Variants in FOXP4 observed in about 807,000 individuals in gnomAD.
FOXP4 encodes forkhead box P4.
FOXP4 carries 25 observed loss-of-function variants against 82.6 expected under a neutral mutation model. That is an observed-to-expected ratio of 0.30 (90% CI 0.22 to 0.42). The LOEUF is 0.42. Ranked by LOEUF, FOXP4 falls within the 10% of genes least tolerant of loss-of-function variation. The pLI is 1.00. For synonymous variants in FOXP4, 415 were observed against 388.2 expected, an observed-to-expected ratio of 1.07 and a Z score of -0.81; for missense variants, 785 against 900.9, an observed-to-expected ratio of 0.87 and a Z score of 1.65.
rs781238692 is a variant in FOXP4, at chr6:41,597,966, G to A, written c.1895+16G>A. Reference sequence around the variant, plus strand: ...CCCAGTACAGGTGAGCACACAGCACGGACCCCCACCCACCCCAGCACCCCT... The same window carrying A: ...CCCAGTACAGGTGAGCACACAGCACAGACCCCCACCCACCCCAGCACCCCT... On this transcript the variant is annotated intron_variant, in intron 16 of 16. Transcript: ENST00000307972. 18 of 1,480,438 alleles carry A rather than the reference G, an allele frequency of 1.2e-5. No homozygotes were observed. The highest frequency in any genetic ancestry group is 6.7e-5 in the South Asian group (5 of 75,156). The allele number at this position is 1,480,438 out of a possible 1,614,324, so 91.7% of individuals were successfully genotyped here.
At chr6:41,597,755 CGAG>C (rs1341909368) in intron 15 of FOXP4, 23 bp from the exon 16 acceptor site, 2 of 1,599,716 alleles carry the variant, frequency 1.3e-6, no homozygotes, top group Non-Finnish European at 1.7e-6. Flanking sequence ...GAGCCACTGA[CGAG>C]GCCCAACCCT....
intron 1 of FOXP4, among the ~76,000 whole-genome samples, chr6:41,561,904 TC>T (rs947081257): frequency 8.5e-5 from 13 of 152,296 alleles, no homozygotes; most frequent in African/African-American, 3.1e-4. Context: ...CCCTGCCTGC[TC>T]CCCTAGCCAG....
intron 2 of FOXP4, among the ~76,000 whole-genome samples, chr6:41,569,792 CCCACTGCAGTTG>C (rs1159271533): frequency 6.6e-6 from 1 of 152,112 alleles, no homozygotes; most frequent in Non-Finnish European, 1.5e-5. Context: ...TCTGGGAACT[CCCACTGCAGTTG>C]CCGTGGCAAC....
intron 13 of FOXP4, among the ~76,000 whole-genome samples, chr6:41,592,710 T>A (rs1465288469): frequency 6.6e-6 from 1 of 152,198 alleles, no homozygotes; most frequent in East Asian, 1.9e-4. Flanking sequence ...CCTTCCTTCC[T>A]TCCTTCTGTC....
intron 4 of FOXP4, among the ~76,000 whole-genome samples, chr6:41,585,181 C>T (rs749536661): frequency 2.0e-5 from 3 of 152,136 alleles, no homozygotes; most frequent in African/African-American, 7.2e-5. Flanking sequence ...CACGTTGTCC[C>T]CTGTGACCTG....
chr6:41,561,333 C>G (rs1227271111), intron 1 of FOXP4, among the ~76,000 whole-genome samples: 1 of 152,152 alleles, frequency 6.6e-6, no homozygotes, highest in East Asian at 1.9e-4. Flanking sequence ...CCCATTTGCC[C>G]CCAACATGTG....
In FOXP4 at chr6:41,587,471, G is replaced by A; in HGVS notation, c.831G>A (p.Leu277=). Residue 277 remains leucine (L), a synonymous_variant, in exon 7 of 17, where the codon CTG becomes CTA. Transcript: ENST00000307972. ...KVSPPLSHHT[L]PNGQPTVLTS... The stretch of plus-strand genomic sequence containing the variant: ...CACCCCCCCTCTCCCACCATACCCT[G>A]CCCAACGGACAGCCTACTGTGCTCA... 1 of 1,542,270 alleles carries A rather than the reference G, an allele frequency of 6.5e-7. No homozygotes were observed. Among genetic ancestry groups the A allele is most frequent in the Non-Finnish European group, 8.7e-7 (1 of 1,144,654 alleles).
chr6:41,585,781 A>AC (rs1452247357), intron 5 of FOXP4, among the ~76,000 whole-genome samples: 1 of 150,900 alleles, frequency 6.6e-6, no homozygotes, highest in Non-Finnish European at 1.5e-5. Context: ...TGTACGTGTC[A>AC]CCCCCGTGTG....
At chr6:41,551,044 C>G (rs1251222454) in intron 1 of FOXP4, among the ~76,000 whole-genome samples, 1 of 152,216 alleles carries the variant, frequency 6.6e-6, no homozygotes, top group Non-Finnish European at 1.5e-5. Flanking sequence ...CCAGGATTCT[C>G]TGTGGAAATA....
At chr6:41,575,439 G>A (rs1007759113) in intron 2 of FOXP4, among the ~76,000 whole-genome samples, 2 of 152,056 alleles carry the variant, frequency 1.3e-5, no homozygotes, top group African/African-American at 4.8e-5. Context: ...GTATGAGAAG[G>A]AATGGTGGGA....
chr6:41,600,508 C>T lies in FOXP4; in HGVS notation c.*1572C>T, dbSNP rs773568752. 9.2e-4 allele frequency: 140 copies of T among 152,588 alleles called. No individual in the cohort carries two copies. The highest frequency in any genetic ancestry group is 2.5e-3 in the South Asian group (12 of 4,812). The allele number at this position is 152,588 out of a possible 1,614,324, so 9.5% of individuals were successfully genotyped here. ...ATATTTCCCAAGAACCCCCCACATA[C>T]ACCCCTCACAAGCCACCCCTCCTGA... On this transcript the variant is annotated 3_prime_UTR_variant, in exon 17 of 17. Transcript: ENST00000307972.
rs144782444 is a variant in FOXP4, at chr6:41,598,858, C to T, written c.1965C>T (p.Gly655=). Residue 655 remains glycine (G), a synonymous_variant, in exon 17 of 17, where the codon GGC becomes GGT. Transcript: ENST00000307972. ...EEDRQPGPPL[G]APNPSASGPP... is the part of the protein sequence containing the mutation. ...ACAGGCAGCCCGGGCCTCCCCTGGG[C>T]GCCCCTAACCCCAGCGCCTCGGGGC... The T allele has an allele frequency of 1.2e-4, 185 of 1,592,036 alleles. No homozygotes were observed. In the African/African-American group the frequency reaches 1.4e-3, roughly 12 times the overall value.
At chr6:41,576,262 A>G (rs563773174) in intron 2 of FOXP4, among the ~76,000 whole-genome samples, 3 of 152,180 alleles carry the variant, frequency 2.0e-5, no homozygotes, top group Admixed American at 2.0e-4. Context: ...TTGCTGCAGG[A>G]CACCTTCCCG....
chr6:41,550,134 A>G (rs1023823199), intron 1 of FOXP4, among the ~76,000 whole-genome samples: 3 of 152,212 alleles, frequency 2.0e-5, no homozygotes, highest in African/African-American at 7.2e-5. Flanking sequence ...TCTGGAACCC[A>G]GAGCAAGGAA....
intron 1 of FOXP4, among the ~76,000 whole-genome samples, chr6:41,565,185 T>C (rs989132506): frequency 6.6e-6 from 1 of 151,976 alleles, no homozygotes; most frequent in African/African-American, 2.4e-5. Flanking sequence ...AAACCCCTTC[T>C]CTACTAAAAA....
intron 2 of FOXP4, among the ~76,000 whole-genome samples, chr6:41,571,526 A>G (rs1765197757): frequency 6.6e-6 from 1 of 152,182 alleles, no homozygotes; most frequent in Non-Finnish European, 1.5e-5. Context: ...TCGGGGCTGT[A>G]CACCCAGGAT....
chr6:41,578,922 A>G (rs1765649167), intron 3 of FOXP4, among the ~76,000 whole-genome samples: 1 of 152,016 alleles, frequency 6.6e-6, no homozygotes, highest in Admixed American at 6.5e-5. Context: ...AGGCTTTGAA[A>G]GGAAGTTTAT....
intron 3 of FOXP4, among the ~76,000 whole-genome samples, chr6:41,583,756 C>G (rs946072865): frequency 1.3e-4 from 20 of 152,192 alleles, no homozygotes; most frequent in Admixed American, 2.6e-4. Context: ...ACCTGCCTGT[C>G]CATGACTGCA....
chr6:41,556,415 C>G (rs1422618235), intron 1 of FOXP4, among the ~76,000 whole-genome samples: 1 of 151,742 alleles, frequency 6.6e-6, no homozygotes, highest in Admixed American at 6.6e-5. Context: ...GCTCCACCTC[C>G]CAGGTTCACA....
Sources: gnomAD v4.1 joint callset for allele counts (sites outside exome capture counted in the v4.1 genomes callset) on GRCh38, gnomAD v4.1.1 for gene constraint, MANE v1.5 for transcripts, NCBI Gene and HGNC (gene_info 2026-07-23, HGNC 2026-07-21) for gene names.